The following SGCZ variants were observed in gnomAD, a reference collection of about 807,000 sequenced individuals.
SGCZ encodes the protein sarcoglycan zeta.
SGCZ carries 40 observed loss-of-function variants against 41.3 expected under a neutral mutation model. The ratio of observed to expected loss-of-function variants is 0.97; its 90% CI spans 0.75 to 1.26. The LOEUF is 1.26. SGCZ is among the 50% of genes most tolerant of loss of function. The pLI, the probability that SGCZ is intolerant of heterozygous loss-of-function variation, is 0.00. For missense variants in SGCZ, 552 were observed against 369.8 expected (o/e 1.49, Z -4.04); for synonymous variants, 206 against 137.5 (o/e 1.50, Z -3.49).
chr8:14,753,832 C>T (rs1355101784), intron 1 of SGCZ, among the ~76,000 whole-genome samples: 2 of 152,162 alleles, frequency 1.3e-5, no homozygotes, highest in African/African-American at 4.8e-5. Context: ...GGGTGGACAA[C>T]TTTCACTAGC....
chr8:14,808,798 C>G (rs372655710), intron 1 of SGCZ, among the ~76,000 whole-genome samples: 4 of 151,754 alleles, frequency 2.6e-5, no homozygotes, highest in Non-Finnish European at 5.9e-5. Flanking sequence ...TATTGTGGCA[C>G]TATTCACAAT....
intron 1 of SGCZ, among the ~76,000 whole-genome samples, chr8:14,781,151 C>G (rs1283640868): frequency 1.3e-5 from 2 of 152,134 alleles, no homozygotes; most frequent in Non-Finnish European, 2.9e-5. Context: ...ATTGAATTTA[C>G]TGCCTCTTTT....
At chr8:14,522,083 A>G (rs948759439) in intron 2 of SGCZ, among the ~76,000 whole-genome samples, 1 of 152,128 alleles carries the variant, frequency 6.6e-6, no homozygotes, top group Non-Finnish European at 1.5e-5. Context: ...ATTTTCAAAT[A>G]TTGAACCAGT....
intron 1 of SGCZ, among the ~76,000 whole-genome samples, chr8:14,828,900 T>C (rs1331102452): frequency 2.6e-5 from 4 of 152,210 alleles, no homozygotes; most frequent in African/African-American, 2.4e-5. Flanking sequence ...AGAGTTTCAA[T>C]AGAAAATTAG....
chr8:14,440,556 CTAATA>C (rs1274287249), intron 2 of SGCZ, among the ~76,000 whole-genome samples: 2 of 151,928 alleles, frequency 1.3e-5, no homozygotes, highest in Non-Finnish European at 2.9e-5. Flanking sequence ...CTAGCTTCAT[CTAATA>C]TCTCTATTTT....
intron 1 of SGCZ, among the ~76,000 whole-genome samples, chr8:14,777,225 C>A (rs1272882652): frequency 6.6e-6 from 1 of 152,190 alleles, no homozygotes; most frequent in Non-Finnish European, 1.5e-5. Context: ...TTCATCATGA[C>A]GACTTGAATT....
At chr8:14,822,647 C>T (rs1385555353) in intron 1 of SGCZ, among the ~76,000 whole-genome samples, 1 of 151,972 alleles carries the variant, frequency 6.6e-6, no homozygotes, top group East Asian at 1.9e-4. Context: ...ACCAACAGAA[C>T]AAAAGAGAGC....
At chr8:14,695,695 G>GCA (rs113536498) in intron 1 of SGCZ, among the ~76,000 whole-genome samples, 35 of 124,930 alleles carry the variant, frequency 2.8e-4, no homozygotes, top group African/African-American at 5.9e-4. Flanking sequence ...ACATGCACAC[G>GCA]CACACACACA....
At chr8:14,321,198 TTCC>T (rs1801906420) in intron 3 of SGCZ, among the ~76,000 whole-genome samples, 1 of 152,078 alleles carries the variant, frequency 6.6e-6, no homozygotes, top group Admixed American at 6.6e-5. Context: ...ATGAGTAATC[TTCC>T]CTGAGAATAA....
At chr8:14,208,258 G>A (rs927943512) in intron 4 of SGCZ, among the ~76,000 whole-genome samples, 2 of 152,152 alleles carry the variant, frequency 1.3e-5, no homozygotes, top group Non-Finnish European at 2.9e-5. Flanking sequence ...TAAAGGCAAT[G>A]CATATAATTA....
At chr8:14,870,427 A>G (rs535412999) in intron 1 of SGCZ, among the ~76,000 whole-genome samples, 136 of 152,190 alleles carry the variant, frequency 8.9e-4, no homozygotes, top group Non-Finnish European at 1.6e-3. Context: ...CCTTATATAA[A>G]AATTAACTCA....
chr8:14,920,983 A>G (rs947177847), intron 1 of SGCZ, among the ~76,000 whole-genome samples: 1 of 152,190 alleles, frequency 6.6e-6, no homozygotes, highest in African/African-American at 2.4e-5. Context: ...GCAGGAAGCT[A>G]TCTCACCCAA....
chr8:14,311,559 C>G (rs1401905048), intron 3 of SGCZ, among the ~76,000 whole-genome samples: 1 of 152,124 alleles, frequency 6.6e-6, no homozygotes, highest in South Asian at 2.1e-4. Context: ...AAGAATATGA[C>G]TACTATTTTT....
At chr8:14,818,946 A>G (rs958006737) in intron 1 of SGCZ, among the ~76,000 whole-genome samples, 4 of 152,132 alleles carry the variant, frequency 2.6e-5, no homozygotes, top group Admixed American at 6.5e-5. Flanking sequence ...CAGGTATTCC[A>G]GTTGTAGAAG....
chr8:14,434,511 GT>G (rs1480992974), intron 2 of SGCZ, among the ~76,000 whole-genome samples: 4 of 152,152 alleles, frequency 2.6e-5, no homozygotes, highest in African/African-American at 7.2e-5. Context: ...AAGAATGGTA[GT>G]GGTATTTTGA....
intron 1 of SGCZ, among the ~76,000 whole-genome samples, chr8:14,697,750 T>A (rs145876555): frequency 6.6e-6 from 1 of 152,002 alleles, no homozygotes; most frequent in Non-Finnish European, 1.5e-5. Flanking sequence ...ACAGAATATC[T>A]TAAATAACTT....
intron 1 of SGCZ, among the ~76,000 whole-genome samples, chr8:14,936,159 C>T (rs1306122886): frequency 7.9e-5 from 12 of 151,886 alleles, no homozygotes; most frequent in South Asian, 6.2e-4. Flanking sequence ...GTAGAAGAGG[C>T]GGAAAGGTAT....
chr8:15,053,653 T>C (rs1413943600), intron 1 of SGCZ, among the ~76,000 whole-genome samples: 1 of 152,170 alleles, frequency 6.6e-6, no homozygotes, highest in African/African-American at 2.4e-5. Context: ...TTTTACTCTT[T>C]TCACTTTTCT....
intron 2 of SGCZ, among the ~76,000 whole-genome samples, chr8:14,427,032 A>ATGAATGAATGAATGAATGAATGAATGGAG (rs1799801721): frequency 2.3e-5 from 2 of 88,144 alleles, no homozygotes; most frequent in African/African-American, 1.5e-4. Flanking sequence ...GTAACATTAA[A>ATGAATGAATGAATGAATGAATGAATGGAG]TGAATGAATG....
Sources: allele counts gnomAD v4.1 joint callset (sites outside exome capture counted in the v4.1 genomes callset), GRCh38; gene constraint gnomAD v4.1.1; transcripts MANE v1.5; gene names NCBI Gene and HGNC (gene_info 2026-07-23, HGNC 2026-07-21).